RRP12: variants seen among roughly 807,000 people sequenced by gnomAD.
RRP12 encodes ribosomal RNA processing 12 homolog.
RRP12 carries 78 observed loss-of-function variants against 157.3 expected under a neutral mutation model. That is an observed-to-expected ratio of 0.50 (90% CI 0.41 to 0.60). RRP12 has a LOEUF of 0.60. Ranked by LOEUF, RRP12 falls within the 20% of genes least tolerant of loss-of-function variation. The pLI, the probability that RRP12 is intolerant of heterozygous loss-of-function variation, is 0.00. For synonymous variants in RRP12, 726 were observed against 670.9 expected, an observed-to-expected ratio of 1.08 and a Z score of -1.27; for missense variants, 1,521 against 1,679.9, an observed-to-expected ratio of 0.91 and a Z score of 1.65.
At chr10:97,394,068 C>T (rs1347680228) in intron 3 of RRP12, among the ~76,000 whole-genome samples, 3 of 152,176 alleles carry the variant, frequency 2.0e-5, no homozygotes, top group Middle Eastern at 3.4e-3. Flanking sequence ...TGTGGCTGGG[C>T]GTGGTGGCTC....
intron 2 of RRP12, among the ~76,000 whole-genome samples, chr10:97,397,787 C>G (rs1004996779): frequency 1.3e-4 from 19 of 150,660 alleles, no homozygotes; most frequent in African/African-American, 3.9e-4. Flanking sequence ...TGGCAAACCC[C>G]ATCTCTACAA....
At chr10:97,379,121 A>G (rs1304394752) in intron 15 of RRP12, among the ~76,000 whole-genome samples, 172 bp downstream of exon 15, 1 of 152,208 alleles carries the variant, frequency 6.6e-6, no homozygotes. Context: ...TTGGAGCAGC[A>G]GGGAGGGAGA....
At chr10:97,393,132 C>G in intron 4 of RRP12, 1 of 314,468 alleles carries the variant, frequency 3.2e-6, no homozygotes, top group Non-Finnish European at 6.4e-6. Flanking sequence ...GCCTCGGCCA[C>G]CCAAAGTGCT....
intron 21 of RRP12, 48 bp downstream of exon 21, chr10:97,370,875 G>A: frequency 1.9e-6 from 3 of 1,611,346 alleles, no homozygotes; most frequent in Non-Finnish European, 2.5e-6. Flanking sequence ...TCCTTTCCTG[G>A]TGTTGCCCAG....
In RRP12 at chr10:97,396,258, T is replaced by C. The variant is rs779105601; in HGVS notation, c.413A>G (p.Gln138Arg). ...CTCAGTCTCCGTCTCCTTCCCTCCC[T>C]GGGAGCGAATCACCTCAGTGACAGC... ...LAAVTEVIRS[Q>R]GGKETETEYF... Residue 138 changes from glutamine to arginine, a missense_variant, in exon 3 of 34, where the codon CAG becomes CGG. Coordinates refer to ENST00000370992, the MANE Select transcript of RRP12 (RefSeq NM_015179.4). The C allele has an allele frequency of 2.5e-6, 4 of 1,613,782 alleles. No individual in the cohort carries two copies. Among genetic ancestry groups the C allele is most frequent in the Non-Finnish European group, 3.4e-6 (4 of 1,179,778 alleles).
intron 8 of RRP12, among the ~76,000 whole-genome samples, chr10:97,386,749 G>A (rs1589434037): frequency 1.3e-5 from 2 of 152,160 alleles, no homozygotes; most frequent in South Asian, 2.1e-4. Flanking sequence ...CCAGCACTTT[G>A]GGAGGCCGAG....
At position 97,360,624 on chromosome 10, in the gene RRP12, G is replaced by A. The variant is rs1352421005; in HGVS notation, c.3568-6C>T. On this transcript the variant is annotated splice_polypyrimidine_tract_variant and splice_region_variant and intron_variant, in intron 30 of 33. Coordinates refer to ENST00000370992, the MANE Select transcript of RRP12 (RefSeq NM_015179.4). ...TTGAGCTTCTGGTGCTTTTTCTATA[G>A]AGAGAGAATAGGTGGGTAGTGAGTG... is the stretch of plus-strand genomic sequence containing the variant. The A allele has an allele frequency of 1.2e-6, 2 of 1,612,530 alleles. No individual in the cohort carries two copies. Among genetic ancestry groups the A allele is most frequent in the African/African-American group, 2.7e-5 (2 of 74,866 alleles).
chr10:97,395,262 A>G (rs1456688276), intron 3 of RRP12, among the ~76,000 whole-genome samples: 1 of 152,100 alleles, frequency 6.6e-6, no homozygotes, highest in Non-Finnish European at 1.5e-5. Context: ...ATTTAATGTA[A>G]TAAGTAGGCC....
chr10:97,394,220 G>C (rs1844891761), intron 3 of RRP12, among the ~76,000 whole-genome samples: 1 of 152,100 alleles, frequency 6.6e-6, no homozygotes, highest in African/African-American at 2.4e-5. Flanking sequence ...GCGGGCGCCT[G>C]TAGTCCCAGC....
intron 19 of RRP12, 41 bp from the exon 20 acceptor site, chr10:97,372,207 G>A (rs1564754118): frequency 6.6e-7 from 1 of 1,524,804 alleles, no homozygotes; most frequent in East Asian, 2.3e-5. Context: ...TGGGGAGCTG[G>A]AGAAGGGCGC....
At chr10:97,392,425 A>T (rs1013930955) in intron 4 of RRP12, among the ~76,000 whole-genome samples, 1 of 152,120 alleles carries the variant, frequency 6.6e-6, no homozygotes, top group East Asian at 1.9e-4. Flanking sequence ...TCTTGGCTCA[A>T]TGCAACCTCC....
At chr10:97,398,556 A>G (rs1347379372) in intron 2 of RRP12, among the ~76,000 whole-genome samples, 13 of 151,134 alleles carry the variant, frequency 8.6e-5, no homozygotes, top group African/African-American at 2.9e-4. Context: ...CATGTTGGCC[A>G]GGCTGGTCTC....
intron 2 of RRP12, among the ~76,000 whole-genome samples, chr10:97,399,430 T>C (rs1362624064): frequency 3.3e-5 from 5 of 152,198 alleles, no homozygotes; most frequent in African/African-American, 1.2e-4. Context: ...ACAGGAGCTC[T>C]GTGAATGATT....
intron 30 of RRP12, among the ~76,000 whole-genome samples, chr10:97,362,365 C>A (rs540342152): frequency 1.3e-5 from 2 of 152,070 alleles, no homozygotes; most frequent in Non-Finnish European, 2.9e-5. Flanking sequence ...CTTAAGGAAC[C>A]CAGGAGGCTT....
At chr10:97,379,589 C>G in intron 14 of RRP12, 39 bp downstream of exon 14, 1 of 1,610,234 alleles carries the variant, frequency 6.2e-7, no homozygotes, top group Non-Finnish European at 8.5e-7. Flanking sequence ...AGAGAACAAG[C>G]CTGGGGCTTG....
intron 10 of RRP12, among the ~76,000 whole-genome samples, 194 bp from the exon 11 acceptor site, chr10:97,382,020 A>G (rs980154728): frequency 6.6e-6 from 1 of 152,210 alleles, no homozygotes; most frequent in Non-Finnish European, 1.5e-5. Context: ...GTGGTAGAAA[A>G]TTCAAACAGG....
chr10:97,388,206 C>T, intron 8 of RRP12, 46 bp downstream of exon 8: 1 of 1,611,336 alleles, frequency 6.2e-7, no homozygotes. Context: ...CCCCAAATGC[C>T]ACCACTGCAG....
intron 4 of RRP12, among the ~76,000 whole-genome samples, chr10:97,391,891 G>A (rs1408045055): frequency 6.6e-6 from 1 of 152,112 alleles, no homozygotes; most frequent in South Asian, 2.1e-4. Context: ...CTGCACTCCA[G>A]CCTGGGCAAC....
chr10:97,376,689 C>T (rs1844317396), intron 15 of RRP12, among the ~76,000 whole-genome samples: 1 of 151,996 alleles, frequency 6.6e-6, no homozygotes, highest in Admixed American at 6.6e-5. Flanking sequence ...CTGGCCTCTA[C>T]CCACTAGATG....
Sources: allele counts gnomAD v4.1 joint callset (sites outside exome capture counted in the v4.1 genomes callset), GRCh38; gene constraint gnomAD v4.1.1; transcripts MANE v1.5; gene names NCBI Gene and HGNC (gene_info 2026-07-23, HGNC 2026-07-21).